Variants in SOBP observed in about 807,000 individuals in gnomAD.
SOBP encodes the protein sine oculis-binding protein homolog.
Under a neutral mutation model 53.6 loss-of-function variants are expected in SOBP, and 4 were observed. That is an observed-to-expected ratio of 0.07 (90% confidence interval 0.04 to 0.17). The LOEUF is 0.17. Among genes scored for constraint, SOBP ranks in the 10% least tolerant of loss-of-function variants. SOBP has a pLI of 1.00. For missense variants in SOBP, 1,088 were observed against 1,204.7 expected, an observed-to-expected ratio of 0.90 and a Z score of 1.43; for synonymous variants, 584 against 522.6, an observed-to-expected ratio of 1.12 and a Z score of -1.60.
chr6:107,620,385 C>G (rs959008610), intron 5 of SOBP, among the ~76,000 whole-genome samples: 3 of 152,200 alleles, frequency 2.0e-5, no homozygotes, highest in Non-Finnish European at 4.4e-5. Context: ...ACTATTTAGT[C>G]TCTTGGCATT....
chr6:107,560,089 G>A (rs12332972), intron 4 of SOBP, among the ~76,000 whole-genome samples: 3,126 of 152,230 alleles, frequency 0.021, 100 homozygotes, highest in African/African-American at 0.071. Flanking sequence ...ATAATGGTAC[G>A]TGCCTTAGAA....
intron 5 of SOBP, among the ~76,000 whole-genome samples, chr6:107,633,013 T>C (rs893477098): frequency 6.6e-6 from 1 of 152,160 alleles, no homozygotes; most frequent in Non-Finnish European, 1.5e-5. Context: ...CTTTGTGTTA[T>C]TGGTTAACAC....
At chr6:107,629,170 G>A (rs943876298) in intron 5 of SOBP, among the ~76,000 whole-genome samples, 14 of 151,812 alleles carry the variant, frequency 9.2e-5, no homozygotes, top group African/African-American at 3.1e-4. Flanking sequence ...TGGAAAGCAC[G>A]TGAAGATTTT....
At chr6:107,591,517 G>A (rs1057489492) in intron 5 of SOBP, among the ~76,000 whole-genome samples, 13 of 152,180 alleles carry the variant, frequency 8.5e-5, no homozygotes, top group African/African-American at 2.7e-4. Flanking sequence ...GCCAGGAAGT[G>A]TAAGGGAAGG....
intron 4 of SOBP, among the ~76,000 whole-genome samples, chr6:107,582,531 A>G (rs1227832866): frequency 1.3e-5 from 2 of 152,132 alleles, no homozygotes; most frequent in Non-Finnish European, 2.9e-5. Flanking sequence ...GTTTAACTGA[A>G]GGATTTTTGT....
At chr6:107,574,418 T>C (rs554189451) in intron 4 of SOBP, among the ~76,000 whole-genome samples, 2 of 152,290 alleles carry the variant, frequency 1.3e-5, no homozygotes, top group African/African-American at 2.4e-5. Flanking sequence ...CTTGAGAACA[T>C]GTCTCAATTT....
chr6:107,511,466 C>T (rs553517395), intron 3 of SOBP: 36 of 152,334 alleles, frequency 2.4e-4, no homozygotes, highest in African/African-American at 6.7e-4. Context: ...CGTCATGAGG[C>T]GAGTTGCTTC....
chr6:107,504,062 G>T (rs1782914676), intron 2 of SOBP, among the ~76,000 whole-genome samples: 1 of 152,222 alleles, frequency 6.6e-6, no homozygotes, highest in Non-Finnish European at 1.5e-5. Context: ...CCATGGTCCT[G>T]CATACAGATT....
At chr6:107,639,369 G>T (rs1271936157) in intron 6 of SOBP, among the ~76,000 whole-genome samples, 2 of 151,966 alleles carry the variant, frequency 1.3e-5, no homozygotes, top group South Asian at 2.1e-4. Context: ...TCTGTTCCTG[G>T]TTACCTGCCT....
chr6:107,649,805 G>C (rs1175794794), intron 6 of SOBP, among the ~76,000 whole-genome samples: 2 of 152,170 alleles, frequency 1.3e-5, no homozygotes, highest in African/African-American at 4.8e-5. Context: ...AAAGAACTTA[G>C]TAAAGAGGAT....
rs1041492743 is a variant in SOBP, at chr6:107,660,743, A to G, written c.*2540A>G. On this transcript the variant is annotated 3_prime_UTR_variant, in exon 7 of 7. Transcript: ENST00000317357. ...CTAGTTCAGTTCTCTTGTTCTACAT[A>G]TGAAAAAACAGAAGCCTAGAAAAGC... Among the ~76,000 whole-genome samples, 3 of 152,202 alleles carry G rather than the reference A, an allele frequency of 2.0e-5. No homozygotes were observed. The highest frequency in any genetic ancestry group is 7.2e-5 in the African/African-American group (3 of 41,450).
At chr6:107,534,264 A>C (rs1325880704) in intron 4 of SOBP, among the ~76,000 whole-genome samples, 1 of 152,216 alleles carries the variant, frequency 6.6e-6, no homozygotes, top group Non-Finnish European at 1.5e-5. Flanking sequence ...CCCAGGTCTG[A>C]AAATGTCCTT....
chr6:107,621,801 C>G (rs1008634358), intron 5 of SOBP, among the ~76,000 whole-genome samples: 5 of 152,138 alleles, frequency 3.3e-5, no homozygotes, highest in African/African-American at 1.2e-4. Context: ...CACAGCCTGG[C>G]CCAAAAACCT....
chr6:107,634,986 C>G lies in SOBP; in HGVS notation c.2142C>G (p.Pro714=), dbSNP rs1170504068. ...CAGGCCCGGGCGCCCCGGCGGGCCC[C>G]GAGGCGGCCGCGGCCTGCAACGTCA... The part of the protein sequence containing the change: ...GDPGPGAPAG[P]EAAAACNVIV... The change falls in exon 6 of 7, where the codon CCC becomes CCG. Residue 714 remains proline, a synonymous_variant. Transcript: ENST00000317357. This position sits in a 1 kb window ranked among gnomAD's most constrained non-coding sequence, Gnocchi z 4.5. 2.7e-5 allele frequency: 28 copies of G among 1,040,590 alleles called. No individual in the cohort carries two copies. In the Middle Eastern group the frequency reaches 1.3e-3, roughly 50 times the overall value. The allele number at this position is 1,040,590 out of a possible 1,614,324, so 64.5% of individuals were successfully genotyped here. A position where few individuals can be genotyped will look rare whatever the true frequency, so the allele number is the denominator to read the frequency against.
At chr6:107,633,054 A>G (rs1770786248) in intron 5 of SOBP, among the ~76,000 whole-genome samples, 1 of 152,224 alleles carries the variant, frequency 6.6e-6, no homozygotes, top group Admixed American at 6.5e-5. Flanking sequence ...ATTATCAAAC[A>G]TAGTCAACAG....
At chr6:107,521,743 C>A (rs1583168977) in intron 3 of SOBP, among the ~76,000 whole-genome samples, 1 of 152,032 alleles carries the variant, frequency 6.6e-6, no homozygotes, top group Admixed American at 6.6e-5. Flanking sequence ...TGCCTTGGCT[C>A]CCTCCATTCC....
intron 4 of SOBP, among the ~76,000 whole-genome samples, chr6:107,574,857 C>A (rs1420894005): frequency 6.6e-6 from 1 of 152,154 alleles, no homozygotes; most frequent in Non-Finnish European, 1.5e-5. Context: ...CCCTCACCAC[C>A]CCTCCGTTTC....
At chr6:107,602,063 A>C (rs1166791421) in intron 5 of SOBP, among the ~76,000 whole-genome samples, 1 of 152,252 alleles carries the variant, frequency 6.6e-6, no homozygotes, top group Non-Finnish European at 1.5e-5. Context: ...ACCTGTGCTC[A>C]GATCTGCAAA....
At position 107,635,175 on chromosome 6, in the gene SOBP, T is replaced by C; in HGVS notation, c.2331T>C (p.Ala777=). 1 of 1,613,616 alleles carries C rather than the reference T, an allele frequency of 6.2e-7. No homozygotes were observed. Among genetic ancestry groups the C allele is most frequent in the South Asian group, 1.1e-5 (1 of 91,084 alleles). ...AGTCGGTCAAGGAGAATAACTGTGCTTCCAACTGCCACCTGGACGGGGAGG... is the reference window on the plus strand; with the variant it reads ...AGTCGGTCAAGGAGAATAACTGTGCCTCCAACTGCCACCTGGACGGGGAGG... ...ELESVKENNC[A]SNCHLDGEAA... Residue 777 remains alanine (A), a synonymous_variant, in exon 6 of 7, where the codon GCT becomes GCC. Transcript: ENST00000317357. The surrounding 1 kb of genome is among the most constrained non-coding windows in gnomAD (Gnocchi z 4.5).
Sources: allele counts gnomAD v4.1 joint callset (sites outside exome capture counted in the v4.1 genomes callset), GRCh38; gene constraint gnomAD v4.1.1; non-coding constraint Gnocchi (gnomAD v3.1); transcripts MANE v1.5; gene names NCBI Gene and HGNC (gene_info 2026-07-23, HGNC 2026-07-21).